GADL1: variants seen among roughly 807,000 people sequenced by gnomAD.
GADL1 encodes GAD like acidic amino acid decarboxylase 1, also known as acidic amino acid decarboxylase GADL1.
In GADL1, 71 loss-of-function variants were observed where a neutral mutation model predicts 69.5. The observed-to-expected ratio is 1.02, with a 90% confidence interval of 0.84 to 1.25. The LOEUF (loss-of-function observed/expected upper bound fraction) is 1.25. Among genes scored for constraint, GADL1 ranks in the 50% most tolerant of loss-of-function variants. The pLI is 0.00. For synonymous variants in GADL1, 254 were observed against 214.4 expected (o/e 1.18, Z -1.62); for missense variants, 737 against 631.8 (o/e 1.17, Z -1.79).
chr3:30,841,859 C>G (rs1234796683), intron 8 of GADL1, among the ~76,000 whole-genome samples: 1 of 152,080 alleles, frequency 6.6e-6, no homozygotes, highest in Admixed American at 6.6e-5. Flanking sequence ...AATGAAGCCT[C>G]CCTGGTTTTA....
At chr3:30,861,202 C>T (rs904302318) in intron 2 of GADL1, among the ~76,000 whole-genome samples, 9 of 151,316 alleles carry the variant, frequency 5.9e-5, no homozygotes, top group Non-Finnish European at 1.3e-4. Flanking sequence ...GCTTGATTTT[C>T]ATGAACAACA....
rs578024487 is a variant in GADL1 at position 30,764,142 on chromosome 3, C to T, written c.1392+14037G>A. On this transcript the variant is annotated intron_variant, in intron 14 of 14. Transcript: ENST00000282538. ...TACTTATGTTTATTAAATATATTAA[C>T]GCTTTACTGAAGTGATTTTATACTT... Among the ~76,000 whole-genome samples the T allele has an allele frequency of 2.2e-4, 31 of 142,522 alleles. 1 individual carries two copies. The highest frequency in any genetic ancestry group is 6.4e-4 in the African/African-American group (24 of 37,584). The allele number at this position is 142,522 out of a possible 152,430, so 93.5% of individuals were successfully genotyped here.
At chr3:30,752,476 AG>A (rs1410026363) in intron 14 of GADL1, among the ~76,000 whole-genome samples, 2 of 152,278 alleles carry the variant, frequency 1.3e-5, no homozygotes, top group Non-Finnish European at 2.9e-5. Flanking sequence ...CTCTGTATCT[AG>A]TTACTATAAA....
In GADL1 at chr3:30,769,152, C is replaced by T. The variant is rs141381479; in HGVS notation, c.1392+9027G>A. 6.0e-4 allele frequency among the ~76,000 whole-genome samples: 92 copies of T among 152,262 alleles called. No individual in the cohort carries two copies. The Middle Eastern group carries it at 0.014, about 23-fold the overall frequency. On this transcript the variant is annotated intron_variant, in intron 14 of 14. Transcript: ENST00000282538. ...ATTAAATTCAACTGCAAGCCACCAT[C>T]CTAGGCAAGGCTGAAAGTCACTCAG...
At chr3:30,760,732 G>C (rs1235174176) in intron 14 of GADL1, among the ~76,000 whole-genome samples, 2 of 152,142 alleles carry the variant, frequency 1.3e-5, no homozygotes, top group Non-Finnish European at 2.9e-5. Context: ...AAAGCAATGA[G>C]TGGTTTTGGT....
chr3:30,801,370 A>T (rs530228325), intron 11 of GADL1, among the ~76,000 whole-genome samples: 1 of 152,180 alleles, frequency 6.6e-6, no homozygotes, highest in Non-Finnish European at 1.5e-5. Context: ...TCATTATGAC[A>T]TCAAGGTGGC....
chr3:30,880,521 G>A (rs1326899944), intron 1 of GADL1, among the ~76,000 whole-genome samples: 1 of 151,918 alleles, frequency 6.6e-6, no homozygotes, highest in African/African-American at 2.4e-5. Context: ...TGTAAGATGT[G>A]CCTTTGCTCC....
chr3:30,799,305 T>G (rs1001233416), intron 12 of GADL1: 2 of 152,262 alleles, frequency 1.3e-5, no homozygotes, highest in Admixed American at 1.3e-4. Flanking sequence ...CCTCAATTCT[T>G]GACTTGTGTG....
intron 10 of GADL1, 94 bp from the exon 11 acceptor site, chr3:30,834,028 C>T (rs973632388): frequency 2.5e-5 from 24 of 959,908 alleles, no homozygotes; most frequent in Non-Finnish European, 3.5e-5. Flanking sequence ...GCATTCAGTA[C>T]TCATACATAG....
chr3:30,803,211 T>G (rs1697195313), intron 11 of GADL1, among the ~76,000 whole-genome samples: 2 of 152,152 alleles, frequency 1.3e-5, no homozygotes, highest in African/African-American at 4.8e-5. Flanking sequence ...AAAAATCCCT[T>G]ACTTTTAAGT....
chr3:30,840,729 G>T (rs1255112296), intron 8 of GADL1, among the ~76,000 whole-genome samples: 2 of 152,136 alleles, frequency 1.3e-5, no homozygotes, highest in East Asian at 1.9e-4. Context: ...TTTAAAAAAA[G>T]ATCTCATTAA....
rs3042992 is a variant in GADL1 at position 30,755,824 on chromosome 3, C to CTTTTT, written c.1392+22350_1392+22354dup. ...AAGATTTAAACAAATGCCAAAGGTA[C>CTTTTT]TTTTTTTCCTACCAAGAGGTCATCA... On this transcript the variant is annotated intron_variant, in intron 14 of 14. Transcript: ENST00000282538. Among the ~76,000 whole-genome samples the CTTTTT allele has an allele frequency of 7.3e-4, 111 of 151,680 alleles. No homozygotes were observed. The Middle Eastern group carries it at 0.01, about 14-fold the overall frequency.
chr3:30,857,749 C>A (rs192147128), intron 2 of GADL1, among the ~76,000 whole-genome samples: 15 of 151,816 alleles, frequency 9.9e-5, no homozygotes, highest in Admixed American at 9.9e-4. Flanking sequence ...ATAAAATGAT[C>A]CTTTACGATC....
chr3:30,892,088 A>G (rs115246765), intron 1 of GADL1, among the ~76,000 whole-genome samples: 1,735 of 152,344 alleles, frequency 0.011, 14 homozygotes, highest in Non-Finnish European at 0.021. Flanking sequence ...AAAAAACATT[A>G]TTTGAGTCTG....
chr3:30,785,881 C>G (rs1696778651), intron 13 of GADL1, among the ~76,000 whole-genome samples: 2 of 152,114 alleles, frequency 1.3e-5, no homozygotes, highest in African/African-American at 4.8e-5. Context: ...TTGTAACCAC[C>G]TAATTTCTTA....
At chr3:30,755,443 C>A (rs1237798122) in intron 14 of GADL1, among the ~76,000 whole-genome samples, 1 of 152,052 alleles carries the variant, frequency 6.6e-6, no homozygotes, top group South Asian at 2.1e-4. Flanking sequence ...GGAATAAATA[C>A]AAAGATTATT....
chr3:30,814,324 C>A (rs955449998), intron 11 of GADL1, among the ~76,000 whole-genome samples: 2 of 152,060 alleles, frequency 1.3e-5, no homozygotes, highest in African/African-American at 4.8e-5. Flanking sequence ...CAAACTATAG[C>A]CTTAAAGACT....
At chr3:30,807,742 T>C (rs1352286801) in intron 11 of GADL1, among the ~76,000 whole-genome samples, 1 of 152,134 alleles carries the variant, frequency 6.6e-6, no homozygotes, top group Non-Finnish European at 1.5e-5. Context: ...CAATAGTGAA[T>C]GTGCGGCCGG....
chr3:30,731,366 CA>C lies in GADL1; in HGVS notation c.1393-2952del, dbSNP rs1368461288. On this transcript the variant is annotated intron_variant, in intron 14 of 14. Transcript: ENST00000282538. ...TTTTCAATACTTCCATTTTTTCTCCCAAAATGGTATTTTATGCCTTATCTTT... is the reference window on the plus strand; with the variant it reads ...TTTTCAATACTTCCATTTTTTCTCCCAAATGGTATTTTATGCCTTATCTTT... 2.0e-5 allele frequency among the ~76,000 whole-genome samples: 3 copies of C among 152,202 alleles called. 1 individual carries two copies. The highest frequency in any genetic ancestry group is 4.2e-4 in the South Asian group (2 of 4,818).
Sources: allele counts gnomAD v4.1 joint callset (sites outside exome capture counted in the v4.1 genomes callset), GRCh38; gene constraint gnomAD v4.1.1; transcripts MANE v1.5; gene names NCBI Gene and HGNC (gene_info 2026-07-23, HGNC 2026-07-21).